The following STK32C variants were observed in gnomAD, a reference collection of about 807,000 sequenced individuals.
The protein encoded by STK32C is serine/threonine kinase 32C.
In STK32C, 31 loss-of-function variants were observed where a neutral mutation model predicts 56.5. The observed-to-expected ratio is 0.55, with a 90% CI of 0.41 to 0.74. STK32C has a LOEUF of 0.74. Ranked by LOEUF, STK32C falls within the 30% of genes least tolerant of loss-of-function variation. The probability of loss-of-function intolerance (pLI) is 0.00; values close to 1 mark genes in which losing one functional copy is unlikely to be tolerated. For synonymous variants in STK32C, 309 were observed against 289.4 expected (o/e 1.07, Z -0.69); for missense variants, 544 against 676.9 (o/e 0.80, Z 2.18).
intron 7 of STK32C, 96 bp from the exon 8 acceptor site, chr10:132,224,619 C>T (rs532857493): frequency 2.2e-5 from 19 of 862,378 alleles, no homozygotes; most frequent in East Asian, 1.9e-4. Context: ...AGAGGACCCC[C>T]TCCCCCCACC....
intron 1 of STK32C, among the ~76,000 whole-genome samples, chr10:132,253,631 T>TGGAGGGAGCC (rs2064002313): frequency 9.0e-6 from 1 of 110,804 alleles, no homozygotes; most frequent in African/African-American, 3.8e-5. Context: ...TGGAGGGAGC[T>TGGAGGGAGCC]GAGGGAGCTG....
At chr10:132,280,851 A>G (rs547212034) in intron 1 of STK32C, among the ~76,000 whole-genome samples, 53 of 111,118 alleles carry the variant, frequency 4.8e-4, no homozygotes, top group Middle Eastern at 9.4e-3. Flanking sequence ...CCGTGATCAC[A>G]CTGAGGCCTC....
upstream of STK32C, among the ~76,000 whole-genome samples, chr10:132,309,346 T>G (rs950837537): frequency 5.9e-5 from 9 of 151,718 alleles, no homozygotes; most frequent in Non-Finnish European, 1.2e-4. Context: ...CGCCTGGACA[T>G]GCACCCGCCT....
intron 1 of STK32C, among the ~76,000 whole-genome samples, chr10:132,266,033 T>A (rs1166658817): frequency 6.6e-6 from 1 of 152,236 alleles, no homozygotes; most frequent in Admixed American, 6.5e-5. Context: ...TACCCAAGAA[T>A]GTGCTTTGCT....
chr10:132,317,061 A>G (rs2066324133), intron 1 of STK32C, among the ~76,000 whole-genome samples: 1 of 152,210 alleles, frequency 6.6e-6, no homozygotes, highest in African/African-American at 2.4e-5. Context: ...AAAATGTAGT[A>G]CCAGTACATT....
rs376121212 is a variant in STK32C at position 132,222,683 on chromosome 10, G to A, written c.1209C>T (p.Ala403=). ...RPLHKKKKRL[A]KNKSRDNSRD... ...TGCTGTTGTCCCGGGACTTGTTCTT[G>A]GCCAGACGCTTCTTCTTCTTGTGCA... Residue 403 remains alanine (A), a synonymous_variant, in exon 10 of 12, where the codon GCC becomes GCT. Coordinates refer to ENST00000298630, the MANE Select transcript of STK32C (RefSeq NM_173575.4). The A allele has an allele frequency of 3.1e-6, 5 of 1,613,152 alleles. No individual in the cohort carries two copies. In the African/African-American group the frequency reaches 6.7e-5, roughly 22 times the overall value.
chr10:132,331,663 T>A (rs775905855), exon 1 of STK32C: 1 of 1,612,806 alleles, frequency 6.2e-7, no homozygotes, highest in East Asian at 2.2e-5. Context: ...CAGCAGCAAT[T>A]CTTTTCTGCT....
chr10:132,300,245 T>C (rs2065872750), intron 1 of STK32C, among the ~76,000 whole-genome samples: 1 of 152,242 alleles, frequency 6.6e-6, no homozygotes, highest in Non-Finnish European at 1.5e-5. Context: ...TTCCTATTTT[T>C]AATAAATTGG....
chr10:132,252,875 G>A (rs748402650), intron 1 of STK32C, among the ~76,000 whole-genome samples: 3 of 152,166 alleles, frequency 2.0e-5, no homozygotes, highest in South Asian at 2.1e-4. Flanking sequence ...GCGTGGGGCC[G>A]CCTCCTCCCA....
chr10:132,241,403 C>T (rs78996421), intron 2 of STK32C, among the ~76,000 whole-genome samples: 2,811 of 152,274 alleles, frequency 0.018, 92 homozygotes, highest in African/African-American at 0.062. Flanking sequence ...AAAAGTTCCA[C>T]GTAACAACAT....
chr10:132,300,615 G>T (rs1376142615), intron 1 of STK32C, among the ~76,000 whole-genome samples: 1 of 152,222 alleles, frequency 6.6e-6, no homozygotes, highest in South Asian at 2.1e-4. Context: ...TCCCCAAACT[G>T]TCTCAAGTTC....
intron 2 of STK32C, among the ~76,000 whole-genome samples, chr10:132,236,799 G>A (rs984518986): frequency 2.0e-5 from 3 of 152,136 alleles, no homozygotes; most frequent in Non-Finnish European, 4.4e-5. Context: ...ATCACGGTGT[G>A]ACCCTCGACC....
upstream of STK32C, among the ~76,000 whole-genome samples, chr10:132,311,209 C>T (rs574872512): frequency 6.6e-6 from 1 of 152,366 alleles, no homozygotes; most frequent in African/African-American, 2.4e-5. The surrounding 1 kb of genome is among the most constrained non-coding windows in gnomAD (Gnocchi z 4.4). Context: ...GAAATTAACA[C>T]ATGCTCTGCC....
At chr10:132,241,147 G>A (rs1454940130) in intron 2 of STK32C, among the ~76,000 whole-genome samples, 1 of 152,236 alleles carries the variant, frequency 6.6e-6, no homozygotes, top group Non-Finnish European at 1.5e-5. Context: ...GCTTGGCAAA[G>A]CCAAACCCGA....
At chr10:132,302,074 G>C (rs570322260) in intron 1 of STK32C, among the ~76,000 whole-genome samples, 1 of 152,238 alleles carries the variant, frequency 6.6e-6, no homozygotes, top group African/African-American at 2.4e-5. Flanking sequence ...CTGGGTGACT[G>C]GGGGTCCGGG....
upstream of STK32C, chr10:132,308,026 C>A (rs927038792): frequency 5.7e-6 from 1 of 175,248 alleles, no homozygotes; most frequent in Admixed American, 1.7e-4. Context: ...GGGGCGGGGG[C>A]GGGGCGGAGC....
At chr10:132,208,198 G>A (rs751888609) in intron 11 of STK32C, 47 bp from the exon 12 acceptor site, 6 of 1,290,454 alleles carry the variant, frequency 4.6e-6, no homozygotes, top group Admixed American at 3.3e-5. Context: ...CCACCTCCCT[G>A]GCCTCACGGT....
rs116827063 is a variant in STK32C at position 132,256,935 on chromosome 10, G to A, written c.263-10980C>T. 9.8e-3 allele frequency among the ~76,000 whole-genome samples: 1,490 copies of A among 152,290 alleles called. 25 individuals carry two copies. The highest frequency in any genetic ancestry group is 0.034 in the African/African-American group (1,413 of 41,556). ...GGCAGGTGTGCCTAGCCAGTGGGGG[G>A]GACGCTGGCCACAGCAGCAGCAGCA... On this transcript the variant is annotated intron_variant, in intron 1 of 11. Coordinates refer to ENST00000298630, the MANE Select transcript of STK32C (RefSeq NM_173575.4).
At chr10:132,329,828 G>A (rs985697006) in intron 1 of STK32C, among the ~76,000 whole-genome samples, 4 of 152,198 alleles carry the variant, frequency 2.6e-5, no homozygotes, top group Non-Finnish European at 4.4e-5. Flanking sequence ...GAGAAGACAC[G>A]GCCAGCGCCA....
Sources: allele counts gnomAD v4.1 joint callset (sites outside exome capture counted in the v4.1 genomes callset), GRCh38; gene constraint gnomAD v4.1.1; non-coding constraint Gnocchi (gnomAD v3.1); transcripts MANE v1.5; gene names NCBI Gene and HGNC (gene_info 2026-07-23, HGNC 2026-07-21).